DNMT3A: variants seen among roughly 807,000 people sequenced by gnomAD.
DNMT3A encodes DNA (cytosine-5)-methyltransferase 3A.
DNMT3A carries 267 observed loss-of-function variants against 117.6 expected under a neutral mutation model. The observed-to-expected ratio is 2.27, with a 90% CI of 2.05 to 2.51. The LOEUF (loss-of-function observed/expected upper bound fraction) is 2.51. Ranked by LOEUF, DNMT3A falls within the 30% of genes most tolerant of loss-of-function variation. The pLI, the probability that DNMT3A is intolerant of heterozygous loss-of-function variation, is 0.00. For synonymous variants in DNMT3A, 432 were observed against 474.8 expected, an observed-to-expected ratio of 0.91 and a Z score of 1.17; for missense variants, 1,029 against 1,260.2, an observed-to-expected ratio of 0.82 and a Z score of 2.78.
Position 25,314,045 on chromosome 2 carries a change from A to C in DNMT3A, c.-61T>G. ...CTGGGGGGCTGCTGGGCTTTGGGGA[A>C]GGAATTATCGTGGTCTTTGGAGGCG... On this transcript the variant is annotated 5_prime_UTR_variant, in exon 2 of 23. Coordinates refer to ENST00000321117, the MANE Select transcript of DNMT3A (RefSeq NM_022552.5). The C allele has an allele frequency of 6.8e-7, 1 of 1,479,012 alleles. No homozygotes were observed. Among genetic ancestry groups the C allele is most frequent in the Non-Finnish European group, 9.0e-7 (1 of 1,116,640 alleles). 91.6% of individuals were successfully genotyped at this position (1,479,012 alleles called of 1,614,324 possible). A position where few individuals can be genotyped will look rare whatever the true frequency, so the allele number is the denominator to read the frequency against.
chr2:25,253,324 C>T (rs1282883881), intron 6 of DNMT3A, among the ~76,000 whole-genome samples: 1 of 152,134 alleles, frequency 6.6e-6, no homozygotes, highest in Non-Finnish European at 1.5e-5. Flanking sequence ...TTCCACTAGA[C>T]TTGGAGAAAT....
rs527646097 is a variant in DNMT3A at position 25,281,184 on chromosome 2, C to A, written c.448+1257G>T. Among the ~76,000 whole-genome samples, 21 of 152,298 alleles carry A rather than the reference C, an allele frequency of 1.4e-4. No homozygotes were observed. In the South Asian group the frequency reaches 4.4e-3, roughly 32 times the overall value. On this transcript the variant is annotated intron_variant, in intron 4 of 22. Transcript: ENST00000321117. This position sits in a 1 kb window ranked among gnomAD's most constrained non-coding sequence, Gnocchi z 4.8. ...ACCCGTCTCCGCACCAAGTCCCATT[C>A]CAGGACAGCGGAAAATAGTAGAAAG...
intron 6 of DNMT3A, among the ~76,000 whole-genome samples, chr2:25,256,624 C>G (rs984058842): frequency 6.6e-6 from 1 of 152,212 alleles, no homozygotes; most frequent in African/African-American, 2.4e-5. Flanking sequence ...TTGCCATCAT[C>G]CCAGAAAGTT....
intron 6 of DNMT3A, among the ~76,000 whole-genome samples, chr2:25,273,308 C>T (rs61032077): frequency 0.11 from 16,433 of 152,044 alleles, 1,195 homozygotes; most frequent in Non-Finnish European, 0.16. Flanking sequence ...GACAGGGGTT[C>T]ACCAAGCTAG....
chr2:25,265,901 G>A (rs1214849455), intron 6 of DNMT3A, among the ~76,000 whole-genome samples: 1 of 152,172 alleles, frequency 6.6e-6, no homozygotes, highest in African/African-American at 2.4e-5. Flanking sequence ...AGTGCCTGAT[G>A]TAAAGTAGGT....
rs1355808378 is a variant in DNMT3A, at chr2:25,237,703, T to C, written c.2409-698A>G. 6.6e-6 allele frequency among the ~76,000 whole-genome samples: 1 copy of C among 151,264 alleles called. No homozygotes were observed. Among genetic ancestry groups the C allele is most frequent in the Non-Finnish European group, 1.5e-5 (1 of 67,912 alleles). On this transcript the variant is annotated intron_variant, in intron 20 of 22. Transcript: ENST00000321117. The surrounding 1 kb of genome is among the most constrained non-coding windows in gnomAD (Gnocchi z 5.4). ...TCGCTTGAACCTGGGAGGCGGAGGC[T>C]GCAGTGAGCCAGGATGGCACCACTG...
chr2:25,341,455 G>A (rs2149458479), intron 1 of DNMT3A, among the ~76,000 whole-genome samples: 1 of 145,946 alleles, frequency 6.9e-6, no homozygotes, highest in Admixed American at 6.8e-5. Flanking sequence ...CGGCAGCGGC[G>A]AGCCGGGCAC....
At chr2:25,242,737 G>T (rs529091115) in intron 16 of DNMT3A, among the ~76,000 whole-genome samples, 3 of 152,230 alleles carry the variant, frequency 2.0e-5, no homozygotes, top group Admixed American at 2.0e-4. Flanking sequence ...TGGCTGGGGG[G>T]GCAGGGCAGA....
intron 6 of DNMT3A, chr2:25,251,916 G>A: frequency 6.3e-6 from 3 of 479,572 alleles, no homozygotes; most frequent in Non-Finnish European, 1.1e-5. Context: ...AGTTACCACT[G>A]CCCGGGCTCC....
intron 1 of DNMT3A, among the ~76,000 whole-genome samples, chr2:25,335,328 T>A (rs2035168474): frequency 6.6e-6 from 1 of 152,240 alleles, no homozygotes; most frequent in African/African-American, 2.4e-5. Context: ...AAACAGGTTC[T>A]GCTCACTGGG....
At chr2:25,249,481 A>G (rs1445402680) in intron 6 of DNMT3A, 1 of 706,776 alleles carries the variant, frequency 1.4e-6, no homozygotes, top group African/African-American at 1.8e-5. Context: ...CCCAGTGTGT[A>G]TTGTTACCAG....
In DNMT3A at chr2:25,341,103, A is replaced by T. The variant is rs868687729; in HGVS notation, c.-178+723T>A. 2.9e-5 allele frequency among the ~76,000 whole-genome samples: 4 copies of T among 139,590 alleles called. No homozygotes were observed. In the South Asian group the frequency reaches 9.4e-4, roughly 33 times the overall value. 91.6% of individuals were successfully genotyped at this position (139,590 alleles called of 152,430 possible). On this transcript the variant is annotated intron_variant, in intron 1 of 22. Coordinates refer to ENST00000321117, the MANE Select transcript of DNMT3A (RefSeq NM_022552.5). The stretch of plus-strand genomic sequence containing the variant: ...CGCACCCCCAGCCACAGGTGGCCGG[A>T]GGAGGATCGCGGCGCGGCGCTCCCC...
Position 25,298,226 on chromosome 2 carries a change from T to C in DNMT3A, c.177+1913A>G, listed in dbSNP as rs1428936950. Among the ~76,000 whole-genome samples, 1 of 152,186 alleles carries C rather than the reference T, an allele frequency of 6.6e-6. No homozygotes were observed. Among genetic ancestry groups the C allele is most frequent in the Non-Finnish European group, 1.5e-5 (1 of 68,020 alleles). On this transcript the variant is annotated intron_variant, in intron 3 of 22. Transcript: ENST00000321117. The surrounding 1 kb of genome is among the most constrained non-coding windows in gnomAD (Gnocchi z 4.3). Reference sequence around the variant, plus strand: ...CAGGTCTCTTGGACCCCAAAGACAGTGTTTTTCCTTCTGCCCTGGAGCGTG... The same window carrying C: ...CAGGTCTCTTGGACCCCAAAGACAGCGTTTTTCCTTCTGCCCTGGAGCGTG...
At chr2:25,285,084 G>A (rs2032199596) in intron 3 of DNMT3A, among the ~76,000 whole-genome samples, 1 of 152,264 alleles carries the variant, frequency 6.6e-6, no homozygotes, top group Non-Finnish European at 1.5e-5. Context: ...GTACAGCTGC[G>A]TGTTTCCATG....
chr2:25,246,782 G>A lies in DNMT3A; in HGVS notation c.1123-6C>T. 6.2e-7 allele frequency: 1 copy of A among 1,612,758 alleles called. No individual in the cohort carries two copies. Among genetic ancestry groups the A allele is most frequent in the South Asian group, 1.1e-5 (1 of 91,006 alleles). On this transcript the variant is annotated splice_region_variant and splice_polypyrimidine_tract_variant and intron_variant, in intron 9 of 22. Transcript: ENST00000321117. ...CCCGCGCGGCTGCTGGCCACCTGGA[G>A]GGTGACACGCCAGGGTTGGGGTTGT...
In DNMT3A at chr2:25,234,568, G is replaced by A. The variant is rs1004844465; in HGVS notation, c.2598-148C>T. 32 of 885,642 alleles carry A rather than the reference G, an allele frequency of 3.6e-5. No individual in the cohort carries two copies. The highest frequency in any genetic ancestry group is 1.0e-4 in the African/African-American group (6 of 58,788). The allele number at this position is 885,642 out of a possible 1,614,324, so 54.9% of individuals were successfully genotyped here. Reference sequence around the variant, plus strand: ...ACTCACACCCACCAACTCCTCTGACGCCTGCTTAGTTCTGCCGAATCTTCT... The same window carrying A: ...ACTCACACCCACCAACTCCTCTGACACCTGCTTAGTTCTGCCGAATCTTCT... On this transcript the variant is annotated intron_variant, in intron 22 of 22. Transcript: ENST00000321117. This position sits in a 1 kb window ranked among gnomAD's most constrained non-coding sequence, Gnocchi z 4.5.
In DNMT3A at chr2:25,234,338, TC is replaced by T; in HGVS notation, c.2679del (p.Trp893Ter). ...LARQRLLGRS[W>X]SVPVIRHLFA... ...AAGAGGTGGCGGATGACTGGCACGC[TC>T]CATGACCGGCCCAGCAGTCTCTGCC... On this transcript the variant is annotated frameshift_variant, in exon 23 of 23. Transcript: ENST00000321117. LOFTEE classifies it high-confidence loss of function. The surrounding 1 kb of genome is among the most constrained non-coding windows in gnomAD (Gnocchi z 4.5). 1 of 1,614,142 alleles carries T rather than the reference TC, an allele frequency of 6.2e-7. No homozygotes were observed.
intron 4 of DNMT3A, among the ~76,000 whole-genome samples, chr2:25,277,738 G>T (rs1225480444): frequency 6.6e-6 from 1 of 152,144 alleles, no homozygotes; most frequent in South Asian, 2.1e-4. Context: ...TACTTGTTCA[G>T]CACTTAAATT....
intron 1 of DNMT3A, among the ~76,000 whole-genome samples, chr2:25,318,269 C>T (rs1013434615): frequency 1.3e-5 from 2 of 152,194 alleles, no homozygotes; most frequent in Admixed American, 1.3e-4. Flanking sequence ...TCAGAGCTTC[C>T]GATCAGTTGG....
Sources: allele counts gnomAD v4.1 joint callset (sites outside exome capture counted in the v4.1 genomes callset), GRCh38; gene constraint gnomAD v4.1.1; non-coding constraint Gnocchi (gnomAD v3.1); transcripts MANE v1.5; gene names NCBI Gene and HGNC (gene_info 2026-07-23, HGNC 2026-07-21).